The following CADM2 variants were observed in gnomAD, a reference collection of about 807,000 sequenced individuals.
The protein encoded by CADM2 is cell adhesion molecule 2, also known as immunoglobulin superfamily member 4D.
CADM2 carries 12 observed loss-of-function variants against 49.8 expected under a neutral mutation model. The observed-to-expected ratio is 0.24, with a 90% CI of 0.15 to 0.39. CADM2 has a LOEUF of 0.39. Ranked by LOEUF, CADM2 falls within the 10% of genes least tolerant of loss-of-function variation. CADM2 has a pLI of 1.00. For synonymous variants in CADM2, 214 were observed against 175.4 expected (o/e 1.22, Z -1.74); for missense variants, 378 against 492.3 (o/e 0.77, Z 2.20).
At chr3:85,800,601 G>GGAAAAGCAT (rs1431736023) in intron 2 of CADM2, among the ~76,000 whole-genome samples, 3 of 152,126 alleles carry the variant, frequency 2.0e-5, no homozygotes. Flanking sequence ...ATAGTATCTG[G>GGAAAAGCAT]GCCAGATAGC....
intron 1 of CADM2, among the ~76,000 whole-genome samples, chr3:85,588,267 C>T (rs73843680): frequency 1.3e-5 from 2 of 151,954 alleles, no homozygotes; most frequent in African/African-American, 4.8e-5. Flanking sequence ...AGATTTTATT[C>T]TAAAATTCTG....
At chr3:85,370,710 A>T (rs997256210) in intron 1 of CADM2, among the ~76,000 whole-genome samples, 2 of 152,288 alleles carry the variant, frequency 1.3e-5, no homozygotes, top group Admixed American at 6.5e-5. Context: ...TTCTACTTAT[A>T]ACATTAATTA....
chr3:85,295,172 C>CA (rs1046280605), intron 1 of CADM2, among the ~76,000 whole-genome samples: 4 of 152,056 alleles, frequency 2.6e-5, no homozygotes, highest in Admixed American at 1.3e-4. Flanking sequence ...TTTATGCAGC[C>CA]AAAAAACACA....
intron 1 of CADM2, among the ~76,000 whole-genome samples, chr3:84,984,105 G>A (rs535799982): frequency 1.3e-5 from 2 of 151,036 alleles, no homozygotes; most frequent in Admixed American, 6.6e-5. Flanking sequence ...ACAAACAAGA[G>A]CAAGAGAGTT....
intron 6 of CADM2, 140 bp downstream of exon 6, chr3:85,912,683 A>G (rs1233835789): frequency 1.4e-6 from 1 of 738,968 alleles, no homozygotes; most frequent in African/African-American, 1.8e-5. Context: ...TACATTCACT[A>G]GTATTAATCA....
chr3:85,690,495 G>A (rs186785919), intron 1 of CADM2, among the ~76,000 whole-genome samples: 52 of 152,048 alleles, frequency 3.4e-4, no homozygotes, highest in East Asian at 3.9e-4. Flanking sequence ...GTAAATGGGG[G>A]TGGGGGGAGT....
At position 85,287,260 on chromosome 3, in the gene CADM2, C is replaced by A. The variant is rs545267833; in HGVS notation, c.61+327592C>A. Among the ~76,000 whole-genome samples the A allele has an allele frequency of 3.3e-5, 5 of 151,528 alleles. No individual in the cohort carries two copies. The East Asian group carries it at 9.7e-4, about 30-fold the overall frequency. ...AAATTCCAACTATAAACTACTGGAGCAATATACTTTATGTCCATACTTTTT... is the reference window on the plus strand; with the variant it reads ...AAATTCCAACTATAAACTACTGGAGAAATATACTTTATGTCCATACTTTTT... On this transcript the variant is annotated intron_variant, in intron 1 of 9. Transcript: ENST00000383699.
intron 2 of CADM2, among the ~76,000 whole-genome samples, chr3:85,729,112 T>C (rs746925991): frequency 1.1e-4 from 16 of 152,190 alleles, no homozygotes; most frequent in Non-Finnish European, 2.2e-4. Flanking sequence ...AATCCTCATA[T>C]TGCTATTTTT....
At position 85,810,369 on chromosome 3, in the gene CADM2, A is replaced by G. The variant is rs190588719; in HGVS notation, c.238+8173A>G. 2.5e-3 allele frequency among the ~76,000 whole-genome samples: 383 copies of G among 152,230 alleles called. 1 individual carries two copies. The highest frequency in any genetic ancestry group is 8.5e-3 in the African/African-American group (353 of 41,534). ...GAACAGAAAGGAAAGAGTATAGCAT[A>G]TCATGCATACACAGAGATTTCTACA... On this transcript the variant is annotated intron_variant, in intron 3 of 9. Transcript: ENST00000383699.
intron 1 of CADM2, among the ~76,000 whole-genome samples, chr3:85,162,351 C>G (rs1046041557): frequency 6.6e-6 from 1 of 151,998 alleles, no homozygotes; most frequent in African/African-American, 2.4e-5. Flanking sequence ...GCGTGCTTAC[C>G]AATTGTTCCT....
intron 1 of CADM2, among the ~76,000 whole-genome samples, chr3:85,004,727 T>C (rs538742883): frequency 6.6e-6 from 1 of 152,310 alleles, no homozygotes; most frequent in East Asian, 1.9e-4. Flanking sequence ...GTCAGCTGAA[T>C]TCAAAATTTG....
chr3:85,647,327 T>A (rs904125766), intron 1 of CADM2, among the ~76,000 whole-genome samples: 1 of 151,764 alleles, frequency 6.6e-6, no homozygotes, highest in Non-Finnish European at 1.5e-5. Flanking sequence ...GGAGCTTTCC[T>A]TTTAGCTTAA....
chr3:85,573,385 T>C (rs1436562288), intron 1 of CADM2, among the ~76,000 whole-genome samples: 1 of 151,842 alleles, frequency 6.6e-6, no homozygotes, highest in Non-Finnish European at 1.5e-5. Context: ...AGGAGACGGG[T>C]TTCACCATGC....
intron 1 of CADM2, among the ~76,000 whole-genome samples, chr3:85,177,222 G>T (rs1460297480): frequency 1.3e-5 from 2 of 152,026 alleles, no homozygotes; most frequent in Admixed American, 6.6e-5. Context: ...ACTACCTGGG[G>T]AGAAAATAAT....
At position 85,884,141 on chromosome 3, in the gene CADM2, T is replaced by C. The variant is rs185786496; in HGVS notation, c.391+698T>C. Among the ~76,000 whole-genome samples the C allele has an allele frequency of 6.3e-3, 957 of 152,340 alleles. 6 individuals are homozygous for C. The highest frequency in any genetic ancestry group is 0.024 in the Middle Eastern group (7 of 294). On this transcript the variant is annotated intron_variant, in intron 4 of 9. Coordinates refer to ENST00000383699, the MANE Select transcript of CADM2 (RefSeq NM_001167675.2). Reference sequence around the variant, plus strand: ...GAAATAAAGTTGCAGCTCTGAGCTCTCTGTGATTCCACAGACGTCAGTGCC... The same window carrying C: ...GAAATAAAGTTGCAGCTCTGAGCTCCCTGTGATTCCACAGACGTCAGTGCC...
intron 1 of CADM2, among the ~76,000 whole-genome samples, chr3:85,656,484 C>T (rs754317406): frequency 2.3e-4 from 35 of 151,892 alleles, no homozygotes; most frequent in Non-Finnish European, 3.7e-4. Context: ...GGAGTGGTGT[C>T]GTGCACCTGT....
intron 1 of CADM2, among the ~76,000 whole-genome samples, chr3:85,690,031 CA>C (rs1462505013): frequency 6.6e-6 from 1 of 152,064 alleles, no homozygotes; most frequent in Admixed American, 6.6e-5. Flanking sequence ...TGCAAAGGGT[CA>C]ATGCAGAATG....
intron 1 of CADM2, among the ~76,000 whole-genome samples, chr3:85,243,166 CT>C (rs2042569360): frequency 6.6e-6 from 1 of 151,644 alleles, no homozygotes; most frequent in Non-Finnish European, 1.5e-5. Context: ...TTTATATTTT[CT>C]TTTTTTATAG....
At chr3:85,637,297 C>T (rs754188531) in intron 1 of CADM2, among the ~76,000 whole-genome samples, 2 of 151,942 alleles carry the variant, frequency 1.3e-5, no homozygotes, top group East Asian at 3.9e-4. Context: ...GAAATAATTT[C>T]TTTTGAATTT....
Sources: gnomAD v4.1 joint callset for allele counts (sites outside exome capture counted in the v4.1 genomes callset) on GRCh38, gnomAD v4.1.1 for gene constraint, MANE v1.5 for transcripts, NCBI Gene and HGNC (gene_info 2026-07-23, HGNC 2026-07-21) for gene names.